Variants in ARPC1A observed in about 807,000 individuals in gnomAD.
The protein encoded by ARPC1A is actin related protein 2/3 complex subunit 1A, also known as actin-related protein 2/3 complex subunit 1A.
In ARPC1A, 8 loss-of-function variants were observed where a neutral mutation model predicts 46.9. The observed-to-expected ratio is 0.17, with a 90% CI of 0.10 to 0.31. ARPC1A has a LOEUF of 0.31. Among genes scored for constraint, ARPC1A ranks in the 10% least tolerant of loss-of-function variants. The pLI is 1.00. For synonymous variants in ARPC1A, 152 were observed against 169.0 expected (o/e 0.90, Z 0.78); for missense variants, 286 against 483.6 (o/e 0.59, Z 3.83).
chr7:99,337,389 CCAGCCTGGG>C (rs1165955005), intron 2 of ARPC1A, among the ~76,000 whole-genome samples: 1 of 152,128 alleles, frequency 6.6e-6, no homozygotes, highest in Non-Finnish European at 1.5e-5. Flanking sequence ...CCATTGCACT[CCAGCCTGGG>C]CAACGAGAGC....
chr7:99,359,845 A>G, intron 8 of ARPC1A, 107 bp downstream of exon 8: 1 of 1,276,276 alleles, frequency 7.8e-7, no homozygotes. Context: ...AGGCCCAGAC[A>G]TTCTTTCAGG....
intron 3 of ARPC1A, among the ~76,000 whole-genome samples, chr7:99,339,032 G>A (rs912096653): frequency 1.3e-5 from 2 of 151,992 alleles, no homozygotes; most frequent in African/African-American, 4.8e-5. Flanking sequence ...TCAGATAATC[G>A]CCACCAGAAT....
chr7:99,344,856 T>A (rs563951967), intron 4 of ARPC1A, among the ~76,000 whole-genome samples: 1 of 132,480 alleles, frequency 7.5e-6, no homozygotes, highest in East Asian at 2.0e-4. Context: ...CCCTGAGGAA[T>A]ATTTTTTCTT....
At chr7:99,363,702 C>T in intron 9 of ARPC1A, 69 bp downstream of exon 9, 1 of 1,137,760 alleles carries the variant, frequency 8.8e-7, no homozygotes, top group Non-Finnish European at 1.2e-6. Flanking sequence ...AAGAGATAGG[C>T]TCCTTCTCTG....
chr7:99,355,895 G>A (rs1793620922), intron 6 of ARPC1A, among the ~76,000 whole-genome samples: 1 of 152,164 alleles, frequency 6.6e-6, no homozygotes, highest in South Asian at 2.1e-4. Flanking sequence ...ATTCAGTAAG[G>A]CTTAAAAAGC....
Position 99,353,830 on chromosome 7 carries a change from T to C in ARPC1A, c.501-79T>C. On this transcript the variant is annotated intron_variant, in intron 5 of 9. Coordinates refer to ENST00000262942, the MANE Select transcript of ARPC1A (RefSeq NM_006409.4). Reference sequence around the variant, plus strand: ...AACCTCTTTGCATTCTGAGATTCCTTGTGGCAGCTGCCTATGGCCTGTTTC... The same window carrying C: ...AACCTCTTTGCATTCTGAGATTCCTCGTGGCAGCTGCCTATGGCCTGTTTC... 4.4e-6 allele frequency: 6 copies of C among 1,371,424 alleles called. No individual in the cohort carries two copies. The South Asian group carries it at 7.7e-5, about 17-fold the overall frequency. The allele number at this position is 1,371,424 out of a possible 1,614,324, so 85.0% of individuals were successfully genotyped here.
intron 2 of ARPC1A, chr7:99,335,486 T>C (rs1793230728): frequency 7.9e-6 from 3 of 380,184 alleles, no homozygotes; most frequent in South Asian, 3.7e-5. Flanking sequence ...AGCTTGGTGG[T>C]AAGTTTTGAA....
At position 99,344,453 on chromosome 7, in the gene ARPC1A, A is replaced by G. The variant is rs1472411294; in HGVS notation, c.330A>G (p.Lys110=). The change falls in exon 4 of 10, where the codon AAA becomes AAG. Residue 110 remains lysine (K), a synonymous_variant. Transcript: ENST00000262942. Reference sequence around the variant, plus strand: ...TGAAGTGGTCCCCCCTAGAGAACAAATTTGCTGTGGGAAGTGGAGCACGAC... The same window carrying G: ...TGAAGTGGTCCCCCCTAGAGAACAAGTTTGCTGTGGGAAGTGGAGCACGAC... ...TFVKWSPLEN[K]FAVGSGARLI... 2 of 1,613,910 alleles carry G rather than the reference A, an allele frequency of 1.2e-6. No homozygotes were observed.
At chr7:99,365,179 A>G (rs1793814202) in intron 9 of ARPC1A, among the ~76,000 whole-genome samples, 1 of 152,138 alleles carries the variant, frequency 6.6e-6, no homozygotes. Flanking sequence ...AGCCAGGCGC[A>G]GTGGCTCATG....
chr7:99,363,437 A>G, intron 8 of ARPC1A, 106 bp from the exon 9 acceptor site: 1 of 823,824 alleles, frequency 1.2e-6, no homozygotes, highest in South Asian at 1.6e-5. Context: ...AAAATAAAGA[A>G]GAAGATAATT....
chr7:99,358,264 C>G, intron 6 of ARPC1A, 76 bp from the exon 7 acceptor site: 8 of 1,445,232 alleles, frequency 5.5e-6, no homozygotes, highest in Non-Finnish European at 5.8e-6. Context: ...GAGAATGGGT[C>G]CTTTGTGATC....
At chr7:99,326,311 T>A (rs1236222560) in intron 1 of ARPC1A, among the ~76,000 whole-genome samples, 1 of 152,160 alleles carries the variant, frequency 6.6e-6, no homozygotes. Flanking sequence ...GTCTCTAAAA[T>A]TGTGTCAAGT....
At chr7:99,339,667 G>C (rs1258291294) in intron 3 of ARPC1A, among the ~76,000 whole-genome samples, 2 of 152,218 alleles carry the variant, frequency 1.3e-5, no homozygotes, top group African/African-American at 4.8e-5. Context: ...CTATGTTGCT[G>C]TCTAGATCAA....
intron 8 of ARPC1A, among the ~76,000 whole-genome samples, chr7:99,363,305 C>T (rs1022703816): frequency 7.9e-5 from 12 of 152,074 alleles, no homozygotes; most frequent in African/African-American, 2.9e-4. Context: ...CCTGGTGGAG[C>T]GTGGTGGCTT....
At chr7:99,351,035 A>AG (rs1331847901) in intron 5 of ARPC1A, among the ~76,000 whole-genome samples, 4 of 152,100 alleles carry the variant, frequency 2.6e-5, no homozygotes, top group Middle Eastern at 3.4e-3. Flanking sequence ...TTAAAAAAAA[A>AG]AGAGAGAGAG....
At chr7:99,352,973 A>ATATG (rs1385345498) in intron 5 of ARPC1A, among the ~76,000 whole-genome samples, 1 of 151,242 alleles carries the variant, frequency 6.6e-6, no homozygotes, top group Non-Finnish European at 1.5e-5. Flanking sequence ...CCCCAAAAAT[A>ATATG]TATATATATA....
intron 6 of ARPC1A, 90 bp downstream of exon 6, chr7:99,354,211 C>A: frequency 7.1e-7 from 1 of 1,415,606 alleles, no homozygotes; most frequent in Admixed American, 2.2e-5. Context: ...GGGGTGTTAG[C>A]ACAGGGCACA....
rs1562803995 is a variant in ARPC1A at position 99,362,340 on chromosome 7, T to TCCCC, written c.984-1203_984-1202insCCCC. ...AAAATGTAAAACCCCGCCCCCCTTTTTTTTTTTTTTTTTGAGATGGAGTCT... is the reference window on the plus strand; with the variant it reads ...AAAATGTAAAACCCCGCCCCCCTTTTCCCCTTTTTTTTTTTTTGAGATGGAGTCT... On this transcript the variant is annotated intron_variant, in intron 8 of 9. Coordinates refer to ENST00000262942, the MANE Select transcript of ARPC1A (RefSeq NM_006409.4). Among the ~76,000 whole-genome samples, 27 of 143,344 alleles carry TCCCC rather than the reference T, an allele frequency of 1.9e-4. No homozygotes were observed. In the South Asian group the frequency reaches 4.8e-3, roughly 26 times the overall value. 94.0% of individuals were successfully genotyped at this position (143,344 alleles called of 152,430 possible). A position where few individuals can be genotyped will look rare whatever the true frequency, so the allele number is the denominator to read the frequency against.
chr7:99,362,970 T>A (rs549601376), intron 8 of ARPC1A, among the ~76,000 whole-genome samples: 6 of 152,124 alleles, frequency 3.9e-5, no homozygotes, highest in Admixed American at 2.0e-4. Context: ...GGAGGCTGAT[T>A]TGAGAGGTTT....
Sources: gnomAD v4.1 joint callset for allele counts (sites outside exome capture counted in the v4.1 genomes callset) on GRCh38, gnomAD v4.1.1 for gene constraint, MANE v1.5 for transcripts, NCBI Gene and HGNC (gene_info 2026-07-23, HGNC 2026-07-21) for gene names.